Variants in DCDC1 observed in about 807,000 individuals in gnomAD.
The protein encoded by DCDC1 is doublecortin domain containing 1.
Under a neutral mutation model 178.3 loss-of-function variants are expected in DCDC1, and 200 were observed. That is an observed-to-expected ratio of 1.12 (90% CI 1.00 to 1.26). The LOEUF (loss-of-function observed/expected upper bound fraction) is 1.26, where lower values mean the gene tolerates loss of function less well. DCDC1 is among the 50% of genes most tolerant of loss of function. The pLI is 0.00. For missense variants in DCDC1, 1,983 were observed against 1,749.2 expected (o/e 1.13, Z -2.38); for synonymous variants, 690 against 604.8 (o/e 1.14, Z -2.07).
chr11:30,962,048 C>A (rs1453351892), intron 20 of DCDC1, among the ~76,000 whole-genome samples: 2 of 151,748 alleles, frequency 1.3e-5, no homozygotes, highest in Admixed American at 6.6e-5. Flanking sequence ...ATATTTTAGC[C>A]CATTTTTATT....
intron 1 of DCDC1, among the ~76,000 whole-genome samples, chr11:31,369,365 G>T (rs915065987): frequency 6.6e-5 from 10 of 152,110 alleles, no homozygotes; most frequent in Admixed American, 1.3e-4. Flanking sequence ...CGCACATCTA[G>T]CCCTACCTGG....
intron 9 of DCDC1, among the ~76,000 whole-genome samples, chr11:31,164,989 C>T (rs61878246): frequency 0.067 from 10,170 of 152,202 alleles, 469 homozygotes; most frequent in Non-Finnish European, 0.089. Flanking sequence ...AACACAAATA[C>T]TTACCATTAT....
intron 7 of DCDC1, among the ~76,000 whole-genome samples, chr11:31,279,560 C>T (rs1225948966): frequency 3.3e-5 from 5 of 151,938 alleles, no homozygotes; most frequent in East Asian, 1.9e-4. Context: ...CACTATGCAG[C>T]CATAAAAAAA....
At chr11:31,216,374 G>A (rs966310449) in intron 9 of DCDC1, among the ~76,000 whole-genome samples, 1 of 152,040 alleles carries the variant, frequency 6.6e-6, no homozygotes, top group Non-Finnish European at 1.5e-5. Context: ...TATAGCAGTT[G>A]AATTCACCTT....
At chr11:31,259,074 AGC>A (rs1416920358) in intron 8 of DCDC1, among the ~76,000 whole-genome samples, 1 of 152,048 alleles carries the variant, frequency 6.6e-6, no homozygotes, top group Non-Finnish European at 1.5e-5. Flanking sequence ...GTTCCCTAAG[AGC>A]GCGGTGGCTC....
At chr11:31,154,200 CATGCTTCTTCTACAGCCT>C (rs1965489644) in intron 9 of DCDC1, among the ~76,000 whole-genome samples, 1 of 152,184 alleles carries the variant, frequency 6.6e-6, no homozygotes, top group Non-Finnish European at 1.5e-5. Flanking sequence ...CCTCCCTGGC[CATGCTTCTTCTACAGCCT>C]ATGGAACTGT....
chr11:31,279,695 A>G (rs1946278187), intron 7 of DCDC1, among the ~76,000 whole-genome samples: 1 of 152,106 alleles, frequency 6.6e-6, no homozygotes, highest in Admixed American at 6.6e-5. Flanking sequence ...ATGGGAACAC[A>G]TGGACACAGG....
At chr11:30,884,765 A>G (rs569471904) in intron 36 of DCDC1, among the ~76,000 whole-genome samples, 20 of 152,186 alleles carry the variant, frequency 1.3e-4, no homozygotes, top group African/African-American at 4.8e-4. Context: ...TTTTTTACAT[A>G]TACTAAAATA....
chr11:31,047,790 T>G (rs1954950049), intron 20 of DCDC1, among the ~76,000 whole-genome samples: 1 of 152,200 alleles, frequency 6.6e-6, no homozygotes, highest in Non-Finnish European at 1.5e-5. Context: ...CTCTACATCC[T>G]ATGATAACTG....
intron 24 of DCDC1, among the ~76,000 whole-genome samples, chr11:30,922,112 C>T (rs1232080091): frequency 1.3e-5 from 2 of 152,180 alleles, no homozygotes; most frequent in Non-Finnish European, 2.9e-5. Flanking sequence ...GCAAGAAGAT[C>T]TGCAACCCAA....
intron 18 of DCDC1, 85 bp from the exon 19 acceptor site, chr11:31,065,238 A>T (rs1289001473): frequency 1.1e-5 from 6 of 555,910 alleles, no homozygotes; most frequent in Non-Finnish European, 1.9e-5. Context: ...GAGGAGGATA[A>T]ATTACATTAA....
intron 1 of DCDC1, among the ~76,000 whole-genome samples, chr11:31,351,275 T>C (rs1026976226): frequency 6.6e-5 from 10 of 152,240 alleles, no homozygotes; most frequent in South Asian, 6.2e-4. Context: ...CTAAAGTAAA[T>C]AGAATGCATG....
chr11:31,160,615 G>T (rs1430268400), intron 9 of DCDC1, among the ~76,000 whole-genome samples: 3 of 151,998 alleles, frequency 2.0e-5, no homozygotes, highest in Admixed American at 1.3e-4. Flanking sequence ...CTGAACCTGA[G>T]TTCCAAACTC....
intron 9 of DCDC1, among the ~76,000 whole-genome samples, chr11:31,161,883 A>G (rs953004166): frequency 6.6e-6 from 1 of 152,202 alleles, no homozygotes; most frequent in Non-Finnish European, 1.5e-5. Flanking sequence ...TGGAATATCA[A>G]TGTGGCCAAT....
chr11:31,359,964 G>T (rs1564930687), intron 1 of DCDC1, among the ~76,000 whole-genome samples: 1 of 152,066 alleles, frequency 6.6e-6, no homozygotes, highest in Non-Finnish European at 1.5e-5. Flanking sequence ...TATGATAATG[G>T]TATCTGCCTT....
At position 30,915,563 on chromosome 11, in the gene DCDC1, C is replaced by T. The variant is rs1945773337; in HGVS notation, c.3601G>A (p.Glu1201Lys). 3 of 1,613,838 alleles carry T rather than the reference C, an allele frequency of 1.9e-6. No homozygotes were observed. Among genetic ancestry groups the T allele is most frequent in the African/African-American group, 2.7e-5 (2 of 74,918 alleles). ...TGATGACTACCATCAGATTTCTTCT[C>T]CACCAAAACCACCTCCATGCCTGAT... ...LRSGMEVVLVEKKSDGSHQRW... is the reference protein window; with the variant it reads ...LRSGMEVVLVKKKSDGSHQRW... Residue 1201 changes from glutamate to lysine, a missense_variant, in exon 27 of 39, where the codon GAG (glutamate) becomes AAG (lysine). Physicochemically the swap from Glu to Lys is moderately conservative, Grantham distance 56 (BLOSUM62 1). Transcript: ENST00000684477.
chr11:30,873,554 G>C (rs977078558), intron 38 of DCDC1, among the ~76,000 whole-genome samples: 1 of 152,058 alleles, frequency 6.6e-6, no homozygotes, highest in Non-Finnish European at 1.5e-5. Context: ...TTTTCTAAGA[G>C]AATTTGTTAC....
intron 2 of DCDC1, among the ~76,000 whole-genome samples, chr11:31,329,074 C>G (rs1949814437): frequency 6.9e-6 from 1 of 145,906 alleles, no homozygotes; most frequent in Non-Finnish European, 1.5e-5. Context: ...AAGTGAATGT[C>G]TACTAGGCTA....
intron 9 of DCDC1, among the ~76,000 whole-genome samples, chr11:31,212,897 C>G (rs1233657077): frequency 6.6e-6 from 1 of 152,060 alleles, no homozygotes; most frequent in Non-Finnish European, 1.5e-5. Context: ...ACCTAAATGT[C>G]CATTAGTAGC....
Sources: allele counts gnomAD v4.1 joint callset (sites outside exome capture counted in the v4.1 genomes callset), GRCh38; gene constraint gnomAD v4.1.1; transcripts MANE v1.5; gene names NCBI Gene and HGNC (gene_info 2026-07-23, HGNC 2026-07-21).